The following SLC9B1 variants were observed in gnomAD, a reference collection of about 807,000 sequenced individuals.
SLC9B1 encodes solute carrier family 9 member B1.
In SLC9B1, 32 loss-of-function variants were observed where a neutral mutation model predicts 51.7. That is an observed-to-expected ratio of 0.62 (90% CI 0.47 to 0.83). The LOEUF (loss-of-function observed/expected upper bound fraction) is 0.83, where lower values mean the gene tolerates loss of function less well. Ranked by LOEUF, SLC9B1 falls within the 40% of genes least tolerant of loss-of-function variation. SLC9B1 has a pLI of 0.00. For synonymous variants in SLC9B1, 145 were observed against 212.7 expected (o/e 0.68, Z 2.77); for missense variants, 406 against 613.2 (o/e 0.66, Z 3.57).
At chr4:102,942,188 T>A (rs1031126985) in intron 6 of SLC9B1, among the ~76,000 whole-genome samples, 1 of 152,104 alleles carries the variant, frequency 6.6e-6, no homozygotes, top group Non-Finnish European at 1.5e-5. Context: ...TACAAAACAC[T>A]GCAGAAAGAA....
Position 102,999,156 on chromosome 4 carries a change from T to A in SLC9B1, c.-1-7444A>T, listed in dbSNP as rs138497695. On this transcript the variant is annotated intron_variant, in intron 1 of 11. Transcript: ENST00000296422. ...TTGCCCATTTTAAAATTGGGATGTT[T>A]GTTTTTTTCCGTTGCTGAGTTGTAG... 4.3e-3 allele frequency among the ~76,000 whole-genome samples: 660 copies of A among 152,356 alleles called. 9 individuals carry two copies. Among genetic ancestry groups the A allele is most frequent in the East Asian group, 0.043 (221 of 5,188 alleles).
intron 3 of SLC9B1, among the ~76,000 whole-genome samples, chr4:102,972,872 C>T (rs1451421509): frequency 6.6e-6 from 1 of 152,064 alleles, no homozygotes; most frequent in African/African-American, 2.4e-5. Flanking sequence ...TTAATGCATC[C>T]TTCAAGATGA....
At chr4:103,019,465 A>C in intron 1 of SLC9B1, 134 bp downstream of exon 1, 1 of 483,956 alleles carries the variant, frequency 2.1e-6, no homozygotes, top group Non-Finnish European at 2.7e-6. Context: ...GTCTGGGAGA[A>C]GAGCCCAAGA....
rs572588853 is a variant in SLC9B1 at position 102,947,388 on chromosome 4, T to C, written c.383-599A>G. ...TGACAGTGTACTGAATATATATTTATTTTTGAGGACAGGGTCTCATTCTGT... is the reference window on the plus strand; with the variant it reads ...TGACAGTGTACTGAATATATATTTACTTTTGAGGACAGGGTCTCATTCTGT... On this transcript the variant is annotated intron_variant, in intron 4 of 11. Transcript: ENST00000296422. 3.3e-5 allele frequency among the ~76,000 whole-genome samples: 5 copies of C among 152,334 alleles called. No homozygotes were observed. The South Asian group carries it at 1.0e-3, about 32-fold the overall frequency.
chr4:102,885,483 C>A (rs750145201), intron 11 of SLC9B1: 1 of 1,388,654 alleles, frequency 7.2e-7, no homozygotes, highest in Non-Finnish European at 1.0e-6. Flanking sequence ...AGGATTGTTT[C>A]GCCTCTTAAA....
intron 3 of SLC9B1, among the ~76,000 whole-genome samples, chr4:102,967,700 A>T (rs1213931558): frequency 6.6e-6 from 1 of 152,196 alleles, no homozygotes; most frequent in Non-Finnish European, 1.5e-5. Flanking sequence ...CCCACAAAAG[A>T]AAAGCTCCCA....
chr4:102,902,247 A>G (rs1192908738), intron 11 of SLC9B1, among the ~76,000 whole-genome samples: 4 of 152,158 alleles, frequency 2.6e-5, no homozygotes, highest in Non-Finnish European at 1.5e-5. Context: ...CCAATATATA[A>G]CATATTTTCT....
chr4:102,917,486 T>TCTATAA (rs1735640935), intron 7 of SLC9B1, among the ~76,000 whole-genome samples: 1 of 144,776 alleles, frequency 6.9e-6, no homozygotes, highest in Non-Finnish European at 1.5e-5. Flanking sequence ...TATATCTATA[T>TCTATAA]CTATATCTCC....
intron 1 of SLC9B1, among the ~76,000 whole-genome samples, chr4:103,010,921 T>G (rs1341615987): frequency 6.6e-6 from 1 of 152,150 alleles, no homozygotes; most frequent in Non-Finnish European, 1.5e-5. Flanking sequence ...CCACAACAAA[T>G]TCATGTCTTT....
In SLC9B1 at chr4:103,019,641, A is replaced by G. The variant is rs1053609839; in HGVS notation, c.-44T>C. ...GCCCTCGCTGGCCCGGGAGCGGCCC[A>G]GGAGCCCAGTGACCGTTGCGTAAGC... On this transcript the variant is annotated 5_prime_UTR_variant, in exon 1 of 12. Transcript: ENST00000296422. 4.1e-6 allele frequency: 4 copies of G among 985,354 alleles called. No individual in the cohort carries two copies. The African/African-American group carries it at 7.0e-5, about 17-fold the overall frequency. 61.0% of individuals were successfully genotyped at this position (985,354 alleles called of 1,614,324 possible).
intron 3 of SLC9B1, among the ~76,000 whole-genome samples, chr4:102,981,841 T>C (rs1450789691): frequency 1.3e-5 from 2 of 152,146 alleles, no homozygotes; most frequent in African/African-American, 4.8e-5. Context: ...CCACAGAGCA[T>C]AGATTTTTTT....
chr4:102,996,396 A>G (rs1578409304), intron 1 of SLC9B1, among the ~76,000 whole-genome samples: 2 of 152,148 alleles, frequency 1.3e-5, no homozygotes, highest in Non-Finnish European at 2.9e-5. Context: ...GGCCCAATTT[A>G]TTCTTTCCTT....
Position 102,927,383 on chromosome 4 carries a change from GA to G in SLC9B1, c.829+4740del, listed in dbSNP as rs527915089. On this transcript the variant is annotated intron_variant, in intron 7 of 11. Coordinates refer to ENST00000296422, the MANE Select transcript of SLC9B1 (RefSeq NM_139173.4). ...AGAAAGAATTCAAACAAATTTACAA[GA>G]AAAAAACAATACCATCAAAAAGTGG... Among the ~76,000 whole-genome samples the G allele has an allele frequency of 4.8e-4, 73 of 152,082 alleles. No individual in the cohort carries two copies. In the East Asian group the frequency reaches 0.012, roughly 25 times the overall value.
At chr4:102,902,644 C>T (rs975112723) in intron 11 of SLC9B1, among the ~76,000 whole-genome samples, 12 of 152,174 alleles carry the variant, frequency 7.9e-5, no homozygotes, top group African/African-American at 2.9e-4. Context: ...AGGTATCATT[C>T]TTAAAGCTTT....
chr4:102,927,868 T>A (rs948688827), intron 7 of SLC9B1, among the ~76,000 whole-genome samples: 19 of 152,250 alleles, frequency 1.2e-4, no homozygotes, highest in Admixed American at 9.2e-4. Context: ...ACGTGACACA[T>A]ATACACCATG....
intron 7 of SLC9B1, among the ~76,000 whole-genome samples, chr4:102,914,121 G>A (rs1363706800): frequency 6.6e-6 from 1 of 151,770 alleles, no homozygotes; most frequent in Non-Finnish European, 1.5e-5. Context: ...TGATTCATCA[G>A]GTTGGAGATG....
intron 3 of SLC9B1, among the ~76,000 whole-genome samples, chr4:102,973,165 G>A (rs183234370): frequency 1.3e-5 from 2 of 152,208 alleles, no homozygotes; most frequent in South Asian, 2.1e-4. Flanking sequence ...ACAGACACTT[G>A]AAGACTGGAT....
intron 3 of SLC9B1, among the ~76,000 whole-genome samples, chr4:102,985,529 A>C (rs1578401563): frequency 8.2e-6 from 1 of 122,066 alleles, no homozygotes; most frequent in South Asian, 2.5e-4. Context: ...ATACAAATCC[A>C]TTTTCTTTTC....
chr4:102,970,752 G>T (rs572394252), intron 3 of SLC9B1, among the ~76,000 whole-genome samples: 11 of 152,174 alleles, frequency 7.2e-5, no homozygotes, highest in Non-Finnish European at 1.6e-4. Context: ...CATCTCACAT[G>T]CAGAGACACA....
Sources: allele counts gnomAD v4.1 joint callset (sites outside exome capture counted in the v4.1 genomes callset), GRCh38; gene constraint gnomAD v4.1.1; transcripts MANE v1.5; gene names NCBI Gene and HGNC (gene_info 2026-07-23, HGNC 2026-07-21).